RAB29: variants seen among roughly 807,000 people sequenced by gnomAD.
RAB29 encodes the protein RAB29, member RAS oncogene family, also known as ras-related protein Rab-29.
In RAB29, 13 loss-of-function variants were observed where a neutral mutation model predicts 25.5. The ratio of observed to expected loss-of-function variants is 0.51; its 90% confidence interval spans 0.33 to 0.81. The LOEUF (loss-of-function observed/expected upper bound fraction) is 0.81, where lower values mean the gene tolerates loss of function less well. Ranked by LOEUF, RAB29 falls within the 30% of genes least tolerant of loss-of-function variation. The probability of loss-of-function intolerance (pLI) is 0.02; values close to 1 mark genes in which losing one functional copy is unlikely to be tolerated. For missense variants in RAB29, 201 were observed against 254.9 expected (o/e 0.79, Z 1.44); for synonymous variants, 88 against 95.0 (o/e 0.93, Z 0.43).
Position 205,774,795 on chromosome 1 carries a change from TCCTCCC to T in RAB29, c.124+32_124+37del, listed in dbSNP as rs762102686. 208 of 859,706 alleles carry T rather than the reference TCCTCCC, an allele frequency of 2.4e-4. 4 individuals are homozygous for T. The highest frequency in any genetic ancestry group is 3.2e-4 in the Non-Finnish European group (172 of 545,244). 53.3% of individuals were successfully genotyped at this position (859,706 alleles called of 1,614,324 possible). ...GCTCGAGTCCGCGGTCGGGGCCTCC[TCCTCCC>T]CCTCCCCCTCCCCACCCCCGAGACG... On this transcript the variant is annotated intron_variant, in intron 2 of 5. Coordinates refer to ENST00000367139, the MANE Select transcript of RAB29 (RefSeq NM_003929.3).
In RAB29 at chr1:205,768,105, T is replaced by TG. The variant is rs1357241400; in HGVS notation, c.*2236dup. On this transcript the variant is annotated 3_prime_UTR_variant, in exon 6 of 6. Transcript: ENST00000367139. ...TTCACTATTATCTTCAGAATCATAG[T>TG]GATCAAAACCCTACCTGAAAATGGT... is the stretch of plus-strand genomic sequence containing the variant. 2.6e-5 allele frequency: 4 copies of TG among 152,214 alleles called. No homozygotes were observed. Among genetic ancestry groups the TG allele is most frequent in the Non-Finnish European group, 5.9e-5 (4 of 68,030 alleles). The allele number at this position is 152,214 out of a possible 1,614,324, so 9.4% of individuals were successfully genotyped here.
At chr1:205,771,413 T>C in intron 4 of RAB29, 59 bp downstream of exon 4, 1 of 1,574,244 alleles carries the variant, frequency 6.4e-7, no homozygotes, top group South Asian at 1.1e-5. Flanking sequence ...GAGAGCATTT[T>C]ACTTCCTTTC....
chr1:205,770,513 T>C (rs1654932396), intron 5 of RAB29, 60 bp from the exon 6 acceptor site: 7 of 1,496,754 alleles, frequency 4.7e-6, no homozygotes, highest in Non-Finnish European at 6.5e-6. Flanking sequence ...AAATGGCAGA[T>C]GTAGTCTGAC....
chr1:205,770,465 A>C lies in RAB29; in HGVS notation c.501-12T>G. On this transcript the variant is annotated splice_polypyrimidine_tract_variant and intron_variant, in intron 5 of 5. Coordinates refer to ENST00000367139, the MANE Select transcript of RAB29 (RefSeq NM_003929.3). ...TTTCAATGAGGACTCTAAAAGACAA[A>C]AAATAAGCCTGAGAAGCTTATTTTG... 1 of 1,607,220 alleles carries C rather than the reference A, an allele frequency of 6.2e-7. No homozygotes were observed. Among genetic ancestry groups the C allele is most frequent in the Non-Finnish European group, 8.5e-7 (1 of 1,173,892 alleles).
chr1:205,771,493 G>T lies in RAB29; in HGVS notation c.357C>A (p.Pro119=). Residue 119 remains proline, a synonymous_variant, in exon 4 of 6, where the codon CCC becomes CCA. Transcript: ENST00000367139. ...ATACCTTGTTGGCCAAGAGCAGGCA[G>T]GGCACCGGCTCTCCATTGGGTAGTG... ...KLTLPNGEPV[P]CLLLANKCDL... 1 of 1,614,154 alleles carries T rather than the reference G, an allele frequency of 6.2e-7. No homozygotes were observed. The highest frequency in any genetic ancestry group is 1.1e-5 in the South Asian group (1 of 91,074).
chr1:205,770,541 T>C (rs1447963778), intron 5 of RAB29, 88 bp from the exon 6 acceptor site: 1 of 1,425,732 alleles, frequency 7.0e-7, no homozygotes, highest in Admixed American at 1.9e-5. Context: ...CAGAGAGTAT[T>C]TGGTAAAGCC....
At chr1:205,772,199 A>C (rs1421922445) in intron 3 of RAB29, among the ~76,000 whole-genome samples, 2 of 152,274 alleles carry the variant, frequency 1.3e-5, no homozygotes, top group East Asian at 3.9e-4. Context: ...GTTTTTCACC[A>C]AGGTCAGCCT....
intron 2 of RAB29, 49 bp downstream of exon 2, chr1:205,774,784 T>G: frequency 1.3e-6 from 2 of 1,533,564 alleles, no homozygotes; most frequent in Non-Finnish European, 8.8e-7. Context: ...GAGTCCGCGG[T>G]CGGGGCCTCC....
chr1:205,770,865 G>GA lies in RAB29; in HGVS notation c.379-12dup, dbSNP rs11423873. ...AGGGGACAGATCACACTAGCAAAGAGAAAAAATAAAAGGCAGTATCATAAA... is the reference window on the plus strand; with the variant it reads ...AGGGGACAGATCACACTAGCAAAGAGAAAAAAATAAAAGGCAGTATCATAAA... On this transcript the variant is annotated splice_polypyrimidine_tract_variant and intron_variant, in intron 4 of 5. Coordinates refer to ENST00000367139, the MANE Select transcript of RAB29 (RefSeq NM_003929.3). 8.1e-3 allele frequency: 13,004 copies of GA among 1,613,678 alleles called. 150 individuals are homozygous for GA. Among genetic ancestry groups the GA allele is most frequent in the African/African-American group, 0.045 (3,377 of 74,972 alleles).
chr1:205,774,722 G>A lies in RAB29; in HGVS notation c.124+111C>T, dbSNP rs933825428. On this transcript the variant is annotated intron_variant, in intron 2 of 5. Transcript: ENST00000367139. ...CCCAGACAGTACTTCCTGACCCGAA[G>A]AAGGACCCAACAACCGACAGCAAAT... 10 of 1,191,830 alleles carry A rather than the reference G, an allele frequency of 8.4e-6. No homozygotes were observed. In the East Asian group the frequency reaches 2.6e-4, roughly 30 times the overall value. 73.8% of individuals were successfully genotyped at this position (1,191,830 alleles called of 1,614,324 possible).
Position 205,771,598 on chromosome 1 carries a change from A to G in RAB29, c.252T>C (p.Cys84=). ...CATTGGTAACGTCAAACATAATAAC[A>G]CAGGCAGAGGCATCCCGATAATACA... ...TRLYYRDASA[C]VIMFDVTNAT... is the part of the protein sequence containing the mutation. The change falls in exon 4 of 6, where the codon TGT becomes TGC. Residue 84 remains cysteine, a synonymous_variant. Transcript: ENST00000367139. 6.2e-7 allele frequency: 1 copy of G among 1,614,098 alleles called. No individual in the cohort carries two copies. Among genetic ancestry groups the G allele is most frequent in the South Asian group, 1.1e-5 (1 of 91,080 alleles).
rs752086523 is a variant in RAB29, at chr1:205,774,953, C to A, written c.4G>T (p.Gly2Cys). Residue 2 changes from glycine to cysteine, a missense_variant, in exon 2 of 6, where the codon GGC becomes TGC. By Grantham distance (159) the Gly-to-Cys change is radical (BLOSUM62 -3). Coordinates refer to ENST00000367139, the MANE Select transcript of RAB29 (RefSeq NM_003929.3). Reference protein sequence around the residue: MGSRDHLFKVLV... With the variant: MCSRDHLFKVLV... ...ACTTTGAACAGGTGGTCGCGGCTGC[C>A]CATGGCTAGCGGGGTGTGCGTTTTA... The A allele has an allele frequency of 1.1e-5, 18 of 1,613,560 alleles. No homozygotes were observed. In the South Asian group the frequency reaches 1.6e-4, roughly 15 times the overall value.
rs768408501 is a variant in RAB29, at chr1:205,774,987, G to A, written c.-31C>T. The A allele has an allele frequency of 4.3e-6, 7 of 1,611,994 alleles. No individual in the cohort carries two copies. The Admixed American group carries it at 5.0e-5, about 12-fold the overall frequency. On this transcript the variant is annotated 5_prime_UTR_variant, in exon 2 of 6. Transcript: ENST00000367139. ...GCGGGGTGTGCGTTTTAGGGAGGCG[G>A]GAAGTGTGGTCGGGGATCGGGGGTC... is the stretch of plus-strand genomic sequence containing the variant.
chr1:205,770,948 A>G, intron 4 of RAB29, 94 bp from the exon 5 acceptor site: 2 of 1,440,968 alleles, frequency 1.4e-6, no homozygotes, highest in East Asian at 2.4e-5. Context: ...ACATATTTCC[A>G]CCAATGGATA....
intron 4 of RAB29, 156 bp from the exon 5 acceptor site, chr1:205,771,010 C>T (rs1346363288): frequency 3.5e-6 from 4 of 1,127,454 alleles, no homozygotes; most frequent in Non-Finnish European, 5.0e-6. Context: ...AAGAAAGTCT[C>T]ACCCTTGGCT....
rs139231534 is a variant in RAB29, at chr1:205,770,779, T to G, written c.454A>C (p.Thr152Pro). 749 of 1,614,178 alleles carry G rather than the reference T, an allele frequency of 4.6e-4. No individual in the cohort carries two copies. The highest frequency in any genetic ancestry group is 5.9e-4 in the Non-Finnish European group (696 of 1,180,030). Residue 152 changes from threonine to proline, a missense_variant, in exon 5 of 6, where the codon ACA (threonine) becomes CCA (proline). Coordinates refer to ENST00000367139, the MANE Select transcript of RAB29 (RefSeq NM_003929.3). ...TTGTTCTCCTTGACTGATGTTTCTG[T>G]CCAACCTGTGAAACCGTTCTCTTTA... ...FSKENGFTGW[T>P]ETSVKENKNI...
rs1205496008 is a variant in RAB29, at chr1:205,771,589, CATA to C, written c.258_260del (p.Ile86del). On this transcript the variant is annotated inframe_deletion, in exon 4 of 6. Coordinates refer to ENST00000367139, the MANE Select transcript of RAB29 (RefSeq NM_003929.3). ...AGGTAGTGGCATTGGTAACGTCAAA[CATA>C]ATAACACAGGCAGAGGCATCCCGAT... The C allele has an allele frequency of 6.2e-7, 1 of 1,613,976 alleles. No homozygotes were observed. Among genetic ancestry groups the C allele is most frequent in the African/African-American group, 1.3e-5 (1 of 74,906 alleles).
intron 4 of RAB29, 190 bp downstream of exon 4, chr1:205,771,282 G>C: frequency 1.5e-6 from 1 of 681,658 alleles, no homozygotes; most frequent in Non-Finnish European, 2.5e-6. Flanking sequence ...CTGAGCAACA[G>C]AGCGAGACTC....
chr1:205,774,401 A>G (rs929611921), intron 2 of RAB29, among the ~76,000 whole-genome samples: 4 of 152,214 alleles, frequency 2.6e-5, no homozygotes, highest in African/African-American at 9.6e-5. Context: ...TCCTCCCTCA[A>G]CAGAGGGGCA....
Sources: allele counts gnomAD v4.1 joint callset (sites outside exome capture counted in the v4.1 genomes callset), GRCh38; gene constraint gnomAD v4.1.1; transcripts MANE v1.5; gene names NCBI Gene and HGNC (gene_info 2026-07-23, HGNC 2026-07-21).